Variants in RAPH1 observed in about 807,000 individuals in gnomAD.
RAPH1 encodes the protein ras-associated and pleckstrin homology domains-containing protein 1.
A neutral mutation model predicts 88.1 loss-of-function variants in RAPH1; 18 were observed. That is an observed-to-expected ratio of 0.20 (90% CI 0.14 to 0.30). The LOEUF is 0.30. Ranked by LOEUF, RAPH1 falls within the 10% of genes least tolerant of loss-of-function variation. The probability of loss-of-function intolerance (pLI) is 1.00; values close to 1 mark genes in which losing one functional copy is unlikely to be tolerated. For missense variants in RAPH1, 1,448 were observed against 1,543.2 expected, an observed-to-expected ratio of 0.94 and a Z score of 1.03; for synonymous variants, 587 against 559.0, an observed-to-expected ratio of 1.05 and a Z score of -0.71.
At chr2:203,512,027 C>A (rs936958921) in intron 1 of RAPH1, among the ~76,000 whole-genome samples, 1 of 151,744 alleles carries the variant, frequency 6.6e-6, no homozygotes, top group Non-Finnish European at 1.5e-5. Flanking sequence ...GCAGGAGAAT[C>A]GCTTGAACTC....
At chr2:203,486,613 GTGTA>G (rs1354135928) in intron 4 of RAPH1, among the ~76,000 whole-genome samples, 1 of 152,222 alleles carries the variant, frequency 6.6e-6, no homozygotes, top group African/African-American at 2.4e-5. Context: ...AGAATATGAT[GTGTA>G]TGTGAGTAGA....
intron 1 of RAPH1, among the ~76,000 whole-genome samples, chr2:203,521,911 TA>T (rs1689892373): frequency 6.6e-6 from 1 of 152,186 alleles, no homozygotes; most frequent in South Asian, 2.1e-4. Context: ...TTTTCTTTTT[TA>T]TACATTTATC....
chr2:203,494,665 C>T lies in RAPH1; in HGVS notation c.120+569G>A, dbSNP rs372747733. On this transcript the variant is annotated intron_variant, in intron 2 of 13. Coordinates refer to ENST00000319170, the MANE Select transcript of RAPH1 (RefSeq NM_213589.3). ...CTACTAAAAAATACAAAAAATTAGC[C>T]GGGCGTGGTGGCGGGCGCCTGTAGT... Among the ~76,000 whole-genome samples, 185 of 151,774 alleles carry T rather than the reference C, an allele frequency of 1.2e-3. 1 individual carries two copies. Among genetic ancestry groups the T allele is most frequent in the Middle Eastern group, 3.4e-3 (1 of 294 alleles).
intron 1 of RAPH1, among the ~76,000 whole-genome samples, chr2:203,501,383 C>A (rs184847108): frequency 8.3e-4 from 127 of 152,278 alleles, no homozygotes; most frequent in African/African-American, 3.1e-3. Flanking sequence ...AAAACAAGAC[C>A]TTTAGTTCTG....
chr2:203,460,537 C>A (rs1037150761), intron 6 of RAPH1, among the ~76,000 whole-genome samples: 4 of 151,852 alleles, frequency 2.6e-5, no homozygotes, highest in African/African-American at 7.3e-5. Context: ...GATATGGATT[C>A]TTTGAAATTT....
In RAPH1 at chr2:203,438,094, A is replaced by G. The variant is rs771303205; in HGVS notation, c.*1343T>C. The G allele has an allele frequency of 1.9e-6, 1 of 516,256 alleles. No individual in the cohort carries two copies. Among genetic ancestry groups the G allele is most frequent in the Non-Finnish European group, 3.9e-6 (1 of 258,832 alleles). 32.0% of individuals were successfully genotyped at this position (516,256 alleles called of 1,614,324 possible). On this transcript the variant is annotated 3_prime_UTR_variant, in exon 14 of 14. Coordinates refer to ENST00000319170, the MANE Select transcript of RAPH1 (RefSeq NM_213589.3). ...CCAAACTGCACACGCATAAAACGTAATGTCAGTTACTGGACTTGGACTGTC... is the reference window on the plus strand; with the variant it reads ...CCAAACTGCACACGCATAAAACGTAGTGTCAGTTACTGGACTTGGACTGTC...
rs984256485 is a variant in RAPH1 at position 203,434,625 on chromosome 2, A to T, written c.*4812T>A. 6.6e-6 allele frequency: 1 copy of T among 152,182 alleles called. No individual in the cohort carries two copies. Among genetic ancestry groups the T allele is most frequent in the Non-Finnish European group, 1.5e-5 (1 of 67,958 alleles). 9.4% of individuals were successfully genotyped at this position (152,182 alleles called of 1,614,324 possible). A position where few individuals can be genotyped will look rare whatever the true frequency, so the allele number is the denominator to read the frequency against. ...AATATGAAAAACGGCAGTTTTTGGT[A>T]TTAGGTTACAATAAATTTAACGAAT... On this transcript the variant is annotated 3_prime_UTR_variant, in exon 14 of 14. Transcript: ENST00000319170.
At position 203,508,244 on chromosome 2, in the gene RAPH1, G is replaced by GAAGA. The variant is rs1356212608; in HGVS notation, c.1-12895_1-12892dup. ...CTCAAAAAAAAAAAAAAAAAAAAAG[G>GAAGA]AAGAAAGAAAGAAATATACACTGGG... On this transcript the variant is annotated intron_variant, in intron 1 of 13. Coordinates refer to ENST00000319170, the MANE Select transcript of RAPH1 (RefSeq NM_213589.3). Among the ~76,000 whole-genome samples, 7 of 146,236 alleles carry GAAGA rather than the reference G, an allele frequency of 4.8e-5. No individual in the cohort carries two copies. In the East Asian group the frequency reaches 1.4e-3, roughly 29 times the overall value.
rs1343818077 is a variant in RAPH1 at position 203,455,460 on chromosome 2, A to G, written c.1279T>C (p.Tyr427His). 1 of 1,613,818 alleles carries G rather than the reference A, an allele frequency of 6.2e-7. No individual in the cohort carries two copies. Among genetic ancestry groups the G allele is most frequent in the Non-Finnish European group, 8.5e-7 (1 of 1,179,830 alleles). ...ACCTTTGCTTTTCCTTTGGGAACAT[A>G]GTAGATACCAGATGCTCGCAAGAGA... ...YFLLRASGIY[Y>H]VPKGKAKVSR... Residue 427 changes from tyrosine to histidine, a missense_variant, in exon 9 of 14, where the codon TAT (tyrosine) becomes CAT (histidine). Physicochemically the swap from Tyr to His is moderately conservative, Grantham distance 83 (BLOSUM62 2). This residue lies in a region of RAPH1 where 513 missense variants were observed against 653.1 expected (regional missense o/e 0.79). Transcript: ENST00000319170.
chr2:203,491,456 A>C, intron 2 of RAPH1, 137 bp from the exon 3 acceptor site: 2 of 556,142 alleles, frequency 3.6e-6, no homozygotes, highest in South Asian at 2.8e-5. Context: ...TAATAGACTT[A>C]AGGAAAAGTA....
In RAPH1 at chr2:203,448,931, G is replaced by A. The variant is rs188784646; in HGVS notation, c.1414-95C>T. 5.9e-5 allele frequency: 42 copies of A among 708,494 alleles called. No homozygotes were observed. In the East Asian group the frequency reaches 1.2e-3, roughly 20 times the overall value. 43.9% of individuals were successfully genotyped at this position (708,494 alleles called of 1,614,324 possible). ...TTAAACATATCCTGACAAGTTATAG[G>A]CCATTAGAGTAATGGCCAATACATT... On this transcript the variant is annotated intron_variant, in intron 10 of 13. Coordinates refer to ENST00000319170, the MANE Select transcript of RAPH1 (RefSeq NM_213589.3). The surrounding 1 kb of genome is among the most constrained non-coding windows in gnomAD (Gnocchi z 4.1).
chr2:203,519,416 T>C (rs1349206226), intron 1 of RAPH1, among the ~76,000 whole-genome samples: 1 of 152,144 alleles, frequency 6.6e-6, no homozygotes, highest in African/African-American at 2.4e-5. Flanking sequence ...ATCATATCAA[T>C]AGATGTAGAA....
In RAPH1 at chr2:203,466,438, A is replaced by G. The variant is rs1296971847; in HGVS notation, c.733-4513T>C. 8.5e-5 allele frequency among the ~76,000 whole-genome samples: 13 copies of G among 152,344 alleles called. No homozygotes were observed. The East Asian group carries it at 2.1e-3, about 25-fold the overall frequency. On this transcript the variant is annotated intron_variant, in intron 4 of 13. Transcript: ENST00000319170. ...TTGTCTTAAGCTCATGGGGTGTTGT[A>G]TAATACAGGAAAAATAAATGTTTGC...
chr2:203,507,899 G>T (rs1403328301), intron 1 of RAPH1, among the ~76,000 whole-genome samples: 2 of 152,066 alleles, frequency 1.3e-5, no homozygotes, highest in Non-Finnish European at 1.5e-5. Context: ...TGACGTAAGA[G>T]AACATCTTTG....
intron 4 of RAPH1, among the ~76,000 whole-genome samples, chr2:203,483,644 T>C (rs1687827582): frequency 2.0e-5 from 3 of 152,180 alleles, no homozygotes; most frequent in Admixed American, 2.0e-4. Flanking sequence ...GGTATGTCTG[T>C]GAGAGTGTTT....
intron 1 of RAPH1, among the ~76,000 whole-genome samples, chr2:203,522,448 G>T (rs1389078917): frequency 6.6e-6 from 1 of 152,136 alleles, no homozygotes; most frequent in African/African-American, 2.4e-5. Flanking sequence ...CATCTTAATA[G>T]ATTAGAAGAT....
intron 1 of RAPH1, among the ~76,000 whole-genome samples, chr2:203,512,290 G>A (rs1375083145): frequency 6.7e-6 from 1 of 150,168 alleles, no homozygotes; most frequent in Non-Finnish European, 1.5e-5. Flanking sequence ...TTAGCTGGGT[G>A]TGGTGGTGCA....
At chr2:203,459,483 C>T (rs1420496459) in intron 7 of RAPH1, among the ~76,000 whole-genome samples, 5 of 152,164 alleles carry the variant, frequency 3.3e-5, no homozygotes, top group Non-Finnish European at 5.9e-5. Context: ...ATCAAGGTTA[C>T]TGGGATGTTT....
intron 1 of RAPH1, among the ~76,000 whole-genome samples, chr2:203,525,766 G>T (rs1248225127): frequency 1.3e-5 from 2 of 152,130 alleles, no homozygotes; most frequent in African/African-American, 4.8e-5. Flanking sequence ...AACAGAGTGA[G>T]ACTCTGTCTC....
Sources: allele counts gnomAD v4.1 joint callset (sites outside exome capture counted in the v4.1 genomes callset), GRCh38; gene constraint gnomAD v4.1.1; regional missense constraint gnomAD v4.1.1; non-coding constraint Gnocchi (gnomAD v3.1); transcripts MANE v1.5; gene names NCBI Gene and HGNC (gene_info 2026-07-23, HGNC 2026-07-21).